The following TEF variants were observed in gnomAD, a reference collection of about 807,000 sequenced individuals.
The protein encoded by TEF is TEF transcription factor, PAR bZIP family member.
In TEF, 3 loss-of-function variants were observed where a neutral mutation model predicts 20.8. That is an observed-to-expected ratio of 0.14 (90% CI 0.07 to 0.37). TEF has a LOEUF of 0.37. Ranked by LOEUF, TEF falls within the 10% of genes least tolerant of loss-of-function variation. The pLI, the probability that TEF is intolerant of heterozygous loss-of-function variation, is 1.00. For missense variants in TEF, 296 were observed against 397.9 expected, an observed-to-expected ratio of 0.74 and a Z score of 2.18; for synonymous variants, 180 against 171.1, an observed-to-expected ratio of 1.05 and a Z score of -0.41.
intron 1 of TEF, among the ~76,000 whole-genome samples, chr22:41,375,488 C>T (rs967501837): frequency 1.9e-4 from 29 of 152,142 alleles, no homozygotes; most frequent in African/African-American, 6.3e-4. Flanking sequence ...TGGTGGCACA[C>T]GCCTGTAATC....
chr22:41,389,349 C>G (rs866744804), intron 2 of TEF, among the ~76,000 whole-genome samples: 2 of 151,962 alleles, frequency 1.3e-5, no homozygotes, highest in African/African-American at 4.8e-5. Flanking sequence ...TGCAGTGAAC[C>G]GAGATTGCAC....
chr22:41,371,655 G>A (rs1028470749), intron 1 of TEF, among the ~76,000 whole-genome samples: 13 of 152,226 alleles, frequency 8.5e-5, no homozygotes, highest in Admixed American at 2.0e-4. Flanking sequence ...ATGGCCTGGC[G>A]TCGTGCGTCT....
intron 3 of TEF, among the ~76,000 whole-genome samples, chr22:41,395,296 A>G (rs2037214027): frequency 6.6e-6 from 1 of 152,152 alleles, no homozygotes. Flanking sequence ...GTGAGCCACC[A>G]TGCCTGGCCT....
chr22:41,390,468 A>G (rs1357662044), intron 2 of TEF, among the ~76,000 whole-genome samples: 4 of 150,886 alleles, frequency 2.7e-5, no homozygotes, highest in Non-Finnish European at 5.9e-5. Flanking sequence ...TTCTTCCAGC[A>G]AAGTCATTTT....
upstream of TEF, among the ~76,000 whole-genome samples, chr22:41,379,548 C>G (rs963954183): frequency 6.6e-6 from 1 of 150,676 alleles, no homozygotes. Context: ...TAAGGTAGAG[C>G]CTGCCCTAAC....
In TEF at chr22:41,395,976, C is replaced by T. The variant is rs772368737; in HGVS notation, c.*16C>T. ...GCCCTTGTAACCCGTGCCCCCCGCC[C>T]GGGCGGGGTACTGCCTGCACCTCAG... is the stretch of plus-strand genomic sequence containing the variant. On this transcript the variant is annotated 3_prime_UTR_variant, in exon 4 of 4. Transcript: ENST00000266304. The T allele has an allele frequency of 2.7e-5, 44 of 1,603,440 alleles. No individual in the cohort carries two copies. In the Middle Eastern group the frequency reaches 8.3e-4, roughly 30 times the overall value.
At chr22:41,391,571 C>G (rs1400512503) in intron 2 of TEF, among the ~76,000 whole-genome samples, 1 of 151,056 alleles carries the variant, frequency 6.6e-6, no homozygotes, top group Non-Finnish European at 1.5e-5. Flanking sequence ...CCACCTCAGC[C>G]TCTCAAAGTG....
In TEF at chr22:41,396,693, T is replaced by C; in HGVS notation, c.*733T>C. 1 of 369,918 alleles carries C rather than the reference T, an allele frequency of 2.7e-6. No homozygotes were observed. The highest frequency in any genetic ancestry group is 4.8e-6 in the Non-Finnish European group (1 of 208,384). The allele number at this position is 369,918 out of a possible 1,614,324, so 22.9% of individuals were successfully genotyped here. On this transcript the variant is annotated 3_prime_UTR_variant, in exon 4 of 4. Transcript: ENST00000266304. ...AGAGACTCCTAGGATGGCTGCTGTC[T>C]GAGCCATGAGTGCCAGGGCTGAGAG...
chr22:41,374,911 GTA>G (rs2036922247), intron 1 of TEF, among the ~76,000 whole-genome samples: 5 of 152,050 alleles, frequency 3.3e-5, no homozygotes, highest in Admixed American at 3.3e-4. Flanking sequence ...CAAATTTAGT[GTA>G]ACTTTTGTTG....
chr22:41,384,996 T>G (rs1238366649), intron 1 of TEF, among the ~76,000 whole-genome samples: 1 of 152,036 alleles, frequency 6.6e-6, no homozygotes, highest in South Asian at 2.1e-4. Flanking sequence ...CTCAGGTGAT[T>G]TGCCCGCCTC....
At chr22:41,369,349 T>C (rs2036854140) in intron 1 of TEF, 1 of 758,268 alleles carries the variant, frequency 1.3e-6, no homozygotes, top group Non-Finnish European at 1.6e-6. Flanking sequence ...ACTGGCAAGC[T>C]GTGGCCGAGA....
At chr22:41,381,732 G>T (rs894606679), upstream of TEF, among the ~76,000 whole-genome samples, 1 of 151,870 alleles carries the variant, frequency 6.6e-6, no homozygotes, top group African/African-American at 2.4e-5. Flanking sequence ...CTCCGCGAGG[G>T]TCCTCACCTG....
At chr22:41,388,578 C>CAAAA in intron 2 of TEF, among the ~76,000 whole-genome samples, 1 of 116,428 alleles carries the variant, frequency 8.6e-6, no homozygotes, top group South Asian at 2.5e-4. Flanking sequence ...GACGCCATCT[C>CAAAA]AAAAAAAAAA....
chr22:41,369,927 T>C (rs1291648252), intron 1 of TEF: 1 of 985,226 alleles, frequency 1.0e-6, no homozygotes, highest in Admixed American at 6.2e-5. Context: ...AACTCCCCAT[T>C]TTCTCTTCTT....
chr22:41,380,965 C>G (rs1173833576), upstream of TEF, among the ~76,000 whole-genome samples: 4 of 152,160 alleles, frequency 2.6e-5, no homozygotes, highest in Non-Finnish European at 5.9e-5. Flanking sequence ...ATTTTATGGC[C>G]GAGGAAACAA....
upstream of TEF, among the ~76,000 whole-genome samples, chr22:41,380,551 C>T (rs766269806): frequency 7.2e-5 from 11 of 152,140 alleles, no homozygotes; most frequent in Non-Finnish European, 1.2e-4. Flanking sequence ...TATCACTATA[C>T]CACCCCCCCA....
chr22:41,382,005 GGCGGGGGAGGCGAGGTGCGCGA>G lies in TEF; in HGVS notation c.-37_-16del. 1 of 1,229,884 alleles carries G rather than the reference GGCGGGGGAGGCGAGGTGCGCGA, an allele frequency of 8.1e-7. No homozygotes were observed. 76.2% of individuals were successfully genotyped at this position (1,229,884 alleles called of 1,614,324 possible). Reference sequence around the variant, plus strand: ...CGGCTCCGGCCCATCTCGGGGGGCGGGCGGGGGAGGCGAGGTGCGCGAGCCGAGTCCGGGGCACGATGTCCGA... The same window carrying G: ...CGGCTCCGGCCCATCTCGGGGGGCGGGCCGAGTCCGGGGCACGATGTCCGA... On this transcript the variant is annotated 5_prime_UTR_variant, in exon 1 of 4. Coordinates refer to ENST00000266304, the MANE Select transcript of TEF (RefSeq NM_003216.4).
intron 1 of TEF, chr22:41,367,704 G>C (rs1601807289): frequency 4.3e-6 from 5 of 1,172,020 alleles, no homozygotes; most frequent in Non-Finnish European, 3.6e-6. Context: ...AGCCAGGGAG[G>C]GTCTCAGCAG....
upstream of TEF, among the ~76,000 whole-genome samples, chr22:41,379,417 G>C (rs2036986176): frequency 1.3e-5 from 2 of 152,178 alleles, no homozygotes. Context: ...TGAGGCAGGA[G>C]AATCGCTTGA....
Sources: allele counts gnomAD v4.1 joint callset (sites outside exome capture counted in the v4.1 genomes callset), GRCh38; gene constraint gnomAD v4.1.1; transcripts MANE v1.5; gene names NCBI Gene and HGNC (gene_info 2026-07-23, HGNC 2026-07-21).